The following CALN1 variants were observed in gnomAD, a reference collection of about 807,000 sequenced individuals.
The protein encoded by CALN1 is calcium-binding protein 8.
In CALN1, 17 loss-of-function variants were observed where a neutral mutation model predicts 30.6. That is an observed-to-expected ratio of 0.56 (90% confidence interval 0.38 to 0.83). CALN1 has a LOEUF of 0.83. Ranked by LOEUF, CALN1 falls within the 40% of genes least tolerant of loss-of-function variation. CALN1 has a pLI of 0.00. For synonymous variants in CALN1, 156 were observed against 131.4 expected, an observed-to-expected ratio of 1.19 and a Z score of -1.28; for missense variants, 291 against 354.9, an observed-to-expected ratio of 0.82 and a Z score of 1.45.
intron 6 of CALN1, among the ~76,000 whole-genome samples, chr7:71,789,036 C>G (rs1177985420): frequency 6.6e-6 from 1 of 152,122 alleles, no homozygotes; most frequent in African/African-American, 2.4e-5. Context: ...CTCCTGAGCT[C>G]AAGCCACCCT....
intron 1 of CALN1, among the ~76,000 whole-genome samples, chr7:72,408,854 T>A (rs1020912697): frequency 1.3e-5 from 2 of 151,736 alleles, no homozygotes; most frequent in Non-Finnish European, 2.9e-5. Context: ...ATTTTTGTAT[T>A]TTTTGTAGAG....
rs754201004 is a variant in CALN1, at chr7:72,016,998, C to CAAA, written c.501+6656_501+6658dup. On this transcript the variant is annotated intron_variant, in intron 5 of 6. Transcript: ENST00000395275. The stretch of plus-strand genomic sequence containing the variant: ...CAAAACCCCGTGTTTACTAAAAATA[C>CAAA]AAAAAAAAAAAAAAAAAAAGCTGGG... Among the ~76,000 whole-genome samples the CAAA allele has an allele frequency of 1.2e-3, 39 of 31,962 alleles. 3 individuals are homozygous for CAAA. Among genetic ancestry groups the CAAA allele is most frequent in the African/African-American group, 4.1e-3 (27 of 6,618 alleles). The allele number at this position is 31,962 out of a possible 152,430, so 21.0% of individuals were successfully genotyped here.
intron 5 of CALN1, among the ~76,000 whole-genome samples, chr7:71,865,461 C>A (rs185263514): frequency 6.6e-6 from 1 of 152,202 alleles, no homozygotes; most frequent in South Asian, 2.1e-4. Flanking sequence ...GAACCATGAA[C>A]CAATGAAACC....
chr7:72,193,033 C>G (rs1362949587), intron 3 of CALN1, among the ~76,000 whole-genome samples: 1 of 151,824 alleles, frequency 6.6e-6, no homozygotes, highest in Non-Finnish European at 1.5e-5. Flanking sequence ...GCTAAAATTA[C>G]AAAAATTAGC....
intron 5 of CALN1, among the ~76,000 whole-genome samples, chr7:71,949,349 C>T (rs531625115): frequency 2.6e-5 from 4 of 152,186 alleles, no homozygotes; most frequent in Admixed American, 6.6e-5. Flanking sequence ...TTACATAAGG[C>T]GTATACCAAG....
intron 3 of CALN1, among the ~76,000 whole-genome samples, chr7:72,261,628 A>G (rs756321254): frequency 5.9e-5 from 9 of 152,070 alleles, no homozygotes; most frequent in Non-Finnish European, 8.8e-5. Flanking sequence ...GGATCTTCCT[A>G]TGTTGCCCAG....
rs180840536 is a variant in CALN1, at chr7:72,355,151, G to T, written c.119+48100C>A. 1.0e-3 allele frequency among the ~76,000 whole-genome samples: 154 copies of T among 152,172 alleles called. 2 individuals are homozygous for T. The highest frequency in any genetic ancestry group is 2.3e-3 in the East Asian group (12 of 5,158). On this transcript the variant is annotated intron_variant, in intron 2 of 6. Coordinates refer to ENST00000395275, the MANE Select transcript of CALN1 (RefSeq NM_031468.4). ...TCAAACTCCCATGCTCAAGTGATCC[G>T]CCCACCTCGGTCTCCCAAAGTGCTG... is the stretch of plus-strand genomic sequence containing the variant.
At chr7:72,242,968 A>G (rs1009731506) in intron 3 of CALN1, among the ~76,000 whole-genome samples, 2 of 152,212 alleles carry the variant, frequency 1.3e-5, no homozygotes, top group African/African-American at 4.8e-5. Flanking sequence ...GTTAGCAAAG[A>G]CATTTGATAT....
intron 5 of CALN1, among the ~76,000 whole-genome samples, chr7:71,893,245 G>A (rs989053234): frequency 6.6e-6 from 1 of 152,132 alleles, no homozygotes; most frequent in African/African-American, 2.4e-5. Flanking sequence ...TCCTACTGGC[G>A]TTTAGTGGGT....
At chr7:72,275,839 A>C (rs1477494958) in intron 3 of CALN1, among the ~76,000 whole-genome samples, 1 of 152,150 alleles carries the variant, frequency 6.6e-6, no homozygotes, top group Non-Finnish European at 1.5e-5. Flanking sequence ...TTGTCCAGGA[A>C]AGTGGAGGGC....
chr7:72,492,049 A>T, the CALN1 span, among the ~76,000 whole-genome samples: 1 of 152,166 alleles, frequency 6.6e-6, no homozygotes, highest in African/African-American at 2.4e-5. Flanking sequence ...TCCCAATCTC[A>T]TCTCTACCCT....
At chr7:72,200,372 T>C (rs1365268982) in intron 3 of CALN1, among the ~76,000 whole-genome samples, 1 of 152,168 alleles carries the variant, frequency 6.6e-6, no homozygotes, top group Non-Finnish European at 1.5e-5. Flanking sequence ...GCCTACCTCA[T>C]ATTTTAAAAC....
At chr7:72,389,568 T>C (rs1313959125) in intron 2 of CALN1, among the ~76,000 whole-genome samples, 1 of 152,212 alleles carries the variant, frequency 6.6e-6, no homozygotes, top group African/African-American at 2.4e-5. Context: ...AGAAGTCAAA[T>C]GACTGTTGTT....
intron 1 of CALN1, among the ~76,000 whole-genome samples, chr7:72,408,091 C>T (rs1160191346): frequency 1.3e-5 from 2 of 151,844 alleles, no homozygotes; most frequent in African/African-American, 4.8e-5. Context: ...ATATATTGAA[C>T]ACACATTTAA....
intron 3 of CALN1, among the ~76,000 whole-genome samples, chr7:72,265,453 A>G (rs909076028): frequency 1.3e-5 from 2 of 152,160 alleles, no homozygotes; most frequent in Admixed American, 6.5e-5. Context: ...AGTGAAGCCA[A>G]CATCGGAATG....
intron 3 of CALN1, among the ~76,000 whole-genome samples, chr7:72,218,009 G>GT (rs1312821644): frequency 6.6e-6 from 1 of 151,140 alleles, no homozygotes; most frequent in African/African-American, 2.4e-5. Flanking sequence ...CGCCCAGATA[G>GT]TTTTTTGTAC....
chr7:71,810,406 C>T lies in CALN1; in HGVS notation c.588G>A (p.Glu196=). Residue 196 remains glutamate (E), a synonymous_variant, in exon 6 of 7, where the codon GAG becomes GAA. Coordinates refer to ENST00000395275, the MANE Select transcript of CALN1 (RefSeq NM_031468.4). Reference sequence around the variant, plus strand: ...TCTCTTCCTCATTGATAATGATGTTCTCAATGTCCTTCATCGTTAGGTGGT... The same window carrying T: ...TCTCTTCCTCATTGATAATGATGTTTTCAATGTCCTTCATCGTTAGGTGGT... ...FRDHLTMKDI[E]NIIINEEESL... 1 of 1,613,950 alleles carries T rather than the reference C, an allele frequency of 6.2e-7. No individual in the cohort carries two copies. Among genetic ancestry groups the T allele is most frequent in the Non-Finnish European group, 8.5e-7 (1 of 1,179,832 alleles).
At chr7:72,321,704 G>A (rs1270571326) in intron 2 of CALN1, among the ~76,000 whole-genome samples, 2 of 152,182 alleles carry the variant, frequency 1.3e-5, no homozygotes, top group African/African-American at 4.8e-5. Context: ...ATAATTAACT[G>A]TGACATCGCT....
chr7:71,925,067 C>G lies in CALN1; in HGVS notation c.501+98590G>C, dbSNP rs569230977. Among the ~76,000 whole-genome samples, 5 of 152,210 alleles carry G rather than the reference C, an allele frequency of 3.3e-5. No individual in the cohort carries two copies. The East Asian group carries it at 9.7e-4, about 29-fold the overall frequency. ...AGCAGCCTGACCAACATGGTGAAAC[C>G]CTGTCTCTACTAAAAACACAAAAAT... is the stretch of plus-strand genomic sequence containing the variant. On this transcript the variant is annotated intron_variant, in intron 5 of 6. Transcript: ENST00000395275.
Sources: gnomAD v4.1 joint callset for allele counts (sites outside exome capture counted in the v4.1 genomes callset) on GRCh38, gnomAD v4.1.1 for gene constraint, MANE v1.5 for transcripts, NCBI Gene and HGNC (gene_info 2026-07-23, HGNC 2026-07-21) for gene names.